CACNA2D3: variants seen among roughly 807,000 people sequenced by gnomAD.
CACNA2D3 encodes calcium voltage-gated channel auxiliary subunit alpha2delta 3.
CACNA2D3 carries 60 observed loss-of-function variants against 160.6 expected under a neutral mutation model. That is an observed-to-expected ratio of 0.37 (90% confidence interval 0.30 to 0.46). CACNA2D3 has a LOEUF of 0.46. Among genes scored for constraint, CACNA2D3 ranks in the 20% least tolerant of loss-of-function variants. The pLI is 1.00. For missense variants in CACNA2D3, 1,205 were observed against 1,365.0 expected (o/e 0.88, Z 1.85); for synonymous variants, 558 against 492.9 (o/e 1.13, Z -1.75).
At chr3:54,830,553 A>G (rs185406664) in intron 14 of CACNA2D3, among the ~76,000 whole-genome samples, 8 of 151,250 alleles carry the variant, frequency 5.3e-5, no homozygotes, top group Admixed American at 2.0e-4. Context: ...GGCTCAAGCA[A>G]TTCTCCTGCC....
chr3:54,989,075 T>C (rs901533724), intron 31 of CACNA2D3, among the ~76,000 whole-genome samples: 1 of 152,354 alleles, frequency 6.6e-6, no homozygotes, highest in African/African-American at 2.4e-5. Context: ...TGGCCTGCCA[T>C]CCACGGCACC....
chr3:54,389,635 A>T (rs1699247259), intron 4 of CACNA2D3, among the ~76,000 whole-genome samples: 1 of 152,214 alleles, frequency 6.6e-6, no homozygotes, highest in Admixed American at 6.5e-5. Context: ...AATATAACAC[A>T]GTTATGTAGA....
intron 11 of CACNA2D3, among the ~76,000 whole-genome samples, chr3:54,670,058 G>C (rs1002096895): frequency 6.6e-6 from 1 of 152,180 alleles, no homozygotes; most frequent in African/African-American, 2.4e-5. Context: ...CCATCATATA[G>C]CTGGGGAAAC....
rs1396319351 is a variant in CACNA2D3 at position 54,122,679 on chromosome 3, C to A, written c.-35C>A. On this transcript the variant is annotated 5_prime_UTR_variant, in exon 1 of 38. Transcript: ENST00000474759. ...CGCAGCTCCCCGCGGCCGCTCTCGT[C>A]GCCGCCGCAGCGGGCGCGTCGGAGG... 1 of 1,073,646 alleles carries A rather than the reference C, an allele frequency of 9.3e-7. No homozygotes were observed. Among genetic ancestry groups the A allele is most frequent in the South Asian group, 4.4e-5 (1 of 22,850 alleles). The allele number at this position is 1,073,646 out of a possible 1,614,324, so 66.5% of individuals were successfully genotyped here.
intron 35 of CACNA2D3, among the ~76,000 whole-genome samples, chr3:55,064,636 T>C (rs1206717790): frequency 2.0e-5 from 3 of 152,196 alleles, no homozygotes; most frequent in Non-Finnish European, 4.4e-5. Context: ...CAGCCATGCC[T>C]GCAGAACACT....
At chr3:54,703,882 T>C (rs750735780) in intron 11 of CACNA2D3, among the ~76,000 whole-genome samples, 11 of 152,198 alleles carry the variant, frequency 7.2e-5, no homozygotes, top group Non-Finnish European at 1.6e-4. Flanking sequence ...GTAGCACTTT[T>C]AACTACTCAA....
chr3:55,068,023 C>T (rs358068), intron 35 of CACNA2D3, among the ~76,000 whole-genome samples: 107,920 of 152,088 alleles, frequency 0.71, 39,103 homozygotes, highest in Non-Finnish European at 0.79. Flanking sequence ...TCCCATCTTC[C>T]CTTCCTTTCC....
chr3:54,964,386 C>T (rs1311862586), intron 27 of CACNA2D3, among the ~76,000 whole-genome samples: 4 of 147,450 alleles, frequency 2.7e-5, no homozygotes, highest in South Asian at 2.3e-4. Context: ...CTGTCTAAAA[C>T]ATTACAAACC....
intron 4 of CACNA2D3, among the ~76,000 whole-genome samples, chr3:54,496,683 C>A (rs562827123): frequency 1.3e-5 from 2 of 152,102 alleles, no homozygotes; most frequent in Non-Finnish European, 2.9e-5. Flanking sequence ...AATGTAAGTG[C>A]CTTCTGTAGC....
At chr3:54,350,913 GT>G (rs1698540474) in intron 3 of CACNA2D3, among the ~76,000 whole-genome samples, 1 of 145,984 alleles carries the variant, frequency 6.9e-6, no homozygotes, top group South Asian at 2.2e-4. Context: ...TACAGAAGCT[GT>G]TTGCTTCTAG....
chr3:54,290,858 A>G (rs184958350), intron 2 of CACNA2D3, among the ~76,000 whole-genome samples: 213 of 151,720 alleles, frequency 1.4e-3, no homozygotes, highest in Non-Finnish European at 1.2e-3. Context: ...CAATTGAACA[A>G]TGAGAACACA....
chr3:54,517,098 C>G (rs1197290283), intron 5 of CACNA2D3, among the ~76,000 whole-genome samples: 1 of 152,180 alleles, frequency 6.6e-6, no homozygotes, highest in African/African-American at 2.4e-5. Context: ...TGGTGATTTG[C>G]TTTTCCACAA....
At chr3:54,914,986 T>C (rs1185761762) in intron 27 of CACNA2D3, among the ~76,000 whole-genome samples, 1 of 152,242 alleles carries the variant, frequency 6.6e-6, no homozygotes, top group Admixed American at 6.5e-5. Context: ...CTTTGATATT[T>C]AGGATCTAAG....
At chr3:54,283,611 A>C (rs1347596338) in intron 2 of CACNA2D3, among the ~76,000 whole-genome samples, 1 of 152,284 alleles carries the variant, frequency 6.6e-6, no homozygotes, top group African/African-American at 2.4e-5. Flanking sequence ...GATATGATTT[A>C]ATTGGTGAGG....
chr3:54,197,981 G>T (rs765987382), intron 2 of CACNA2D3, among the ~76,000 whole-genome samples: 1 of 152,184 alleles, frequency 6.6e-6, no homozygotes, highest in African/African-American at 2.4e-5. Context: ...TGATTAGGAA[G>T]GTGATGTTGT....
chr3:54,137,957 G>A (rs1699849189), intron 2 of CACNA2D3, among the ~76,000 whole-genome samples: 1 of 152,248 alleles, frequency 6.6e-6, no homozygotes. Flanking sequence ...GACCTAGGCT[G>A]TGTTTTCCCC....
At chr3:55,072,376 T>TA (rs1476079323) in intron 35 of CACNA2D3, among the ~76,000 whole-genome samples, 3 of 152,166 alleles carry the variant, frequency 2.0e-5, no homozygotes, top group African/African-American at 7.2e-5. Flanking sequence ...GGCAACAGGT[T>TA]AAAAAAGGGG....
chr3:55,030,751 C>T (rs911089220), intron 35 of CACNA2D3, among the ~76,000 whole-genome samples: 1 of 152,000 alleles, frequency 6.6e-6, no homozygotes, highest in African/African-American at 2.4e-5. Flanking sequence ...TACCCTATTT[C>T]CAGACTCAAG....
At chr3:54,533,213 C>T (rs1363753557) in intron 5 of CACNA2D3, among the ~76,000 whole-genome samples, 1 of 152,058 alleles carries the variant, frequency 6.6e-6, no homozygotes, top group African/African-American at 2.4e-5. Context: ...AGAGCTCTTA[C>T]AGAAATTGGT....
Sources: allele counts gnomAD v4.1 joint callset (sites outside exome capture counted in the v4.1 genomes callset), GRCh38; gene constraint gnomAD v4.1.1; transcripts MANE v1.5; gene names NCBI Gene and HGNC (gene_info 2026-07-23, HGNC 2026-07-21).